Variants in JAKMIP2 observed in about 807,000 individuals in gnomAD.
JAKMIP2 encodes janus kinase and microtubule interacting protein 2, also known as janus kinase and microtubule-interacting protein 2.
Under a neutral mutation model 115.0 loss-of-function variants are expected in JAKMIP2, and 25 were observed. The observed-to-expected ratio is 0.22, with a 90% CI of 0.16 to 0.30. The LOEUF is 0.30. Among genes scored for constraint, JAKMIP2 ranks in the 10% least tolerant of loss-of-function variants. The pLI is 1.00. For missense variants in JAKMIP2, 642 were observed against 957.6 expected, an observed-to-expected ratio of 0.67 and a Z score of 4.35; for synonymous variants, 334 against 343.6, an observed-to-expected ratio of 0.97 and a Z score of 0.31.
intron 1 of JAKMIP2, among the ~76,000 whole-genome samples, chr5:147,766,243 T>C (rs963939536): frequency 5.3e-5 from 8 of 152,170 alleles, no homozygotes; most frequent in African/African-American, 1.7e-4. Flanking sequence ...TAAAAAGACT[T>C]TGGATTCAGA....
rs1233684374 is a variant in JAKMIP2, at chr5:147,641,784, T to C, written c.1225-20A>G. 1 of 1,601,444 alleles carries C rather than the reference T, an allele frequency of 6.2e-7. No individual in the cohort carries two copies. Among genetic ancestry groups the C allele is most frequent in the Non-Finnish European group, 8.6e-7 (1 of 1,168,916 alleles). On this transcript the variant is annotated intron_variant, in intron 7 of 21. Coordinates refer to ENST00000616793, the MANE Select transcript of JAKMIP2 (RefSeq NM_001270941.2). Reference sequence around the variant, plus strand: ...TCGGTCCTGGAAAACAGATGAAAGATTTTCAGATCCAGAATTGGTAGATGT... The same window carrying C: ...TCGGTCCTGGAAAACAGATGAAAGACTTTCAGATCCAGAATTGGTAGATGT...
At chr5:147,657,276 T>C (rs1758728130) in intron 3 of JAKMIP2, among the ~76,000 whole-genome samples, 1 of 136,822 alleles carries the variant, frequency 7.3e-6, no homozygotes, top group Admixed American at 7.3e-5. Flanking sequence ...CGAGACTCCG[T>C]CTCAAACAAA....
rs932178206 is a variant in JAKMIP2 at position 147,586,065 on chromosome 5, C to T, written c.*5642G>A. ...TTGAAAAACCGAGTGGTCTCTGCCTCAGTCAACAATTGGAAATAATAGTAG... is the reference window on the plus strand; with the variant it reads ...TTGAAAAACCGAGTGGTCTCTGCCTTAGTCAACAATTGGAAATAATAGTAG... On this transcript the variant is annotated 3_prime_UTR_variant, in exon 22 of 22. Coordinates refer to ENST00000616793, the MANE Select transcript of JAKMIP2 (RefSeq NM_001270941.2). 3 of 151,878 alleles carry T rather than the reference C, an allele frequency of 2.0e-5. No individual in the cohort carries two copies. The highest frequency in any genetic ancestry group is 7.3e-5 in the African/African-American group (3 of 41,330). 9.4% of individuals were successfully genotyped at this position (151,878 alleles called of 1,614,324 possible). A position where few individuals can be genotyped will look rare whatever the true frequency, so the allele number is the denominator to read the frequency against.
chr5:147,702,753 A>G (rs761223119), intron 1 of JAKMIP2, among the ~76,000 whole-genome samples: 4 of 152,090 alleles, frequency 2.6e-5, no homozygotes, highest in Non-Finnish European at 4.4e-5. Flanking sequence ...AGGCAGCAAG[A>G]CAGAAGCTGA....
chr5:147,704,999 G>A (rs567015533), intron 1 of JAKMIP2, among the ~76,000 whole-genome samples: 8 of 152,100 alleles, frequency 5.3e-5, no homozygotes, highest in African/African-American at 1.7e-4. Context: ...AATCAGCCAG[G>A]ATAATTTTAT....
intron 1 of JAKMIP2, among the ~76,000 whole-genome samples, chr5:147,745,704 ACTAACTTTGTTGACTGTGT>A (rs1300721906): frequency 6.6e-6 from 1 of 152,214 alleles, no homozygotes; most frequent in Non-Finnish European, 1.5e-5. Flanking sequence ...AGATTAAAGA[ACTAACTTTGTTGACTGTGT>A]CTTAGAAAAA....
intron 8 of JAKMIP2, among the ~76,000 whole-genome samples, chr5:147,641,221 C>A (rs576996731): frequency 6.6e-6 from 1 of 152,152 alleles, no homozygotes; most frequent in Admixed American, 6.5e-5. Flanking sequence ...CATTAAAAAC[C>A]AATGGTATAC....
At chr5:147,702,196 T>C (rs1027184833) in intron 1 of JAKMIP2, among the ~76,000 whole-genome samples, 25 of 151,842 alleles carry the variant, frequency 1.6e-4, no homozygotes, top group African/African-American at 6.0e-4. Context: ...CTGAACCTGC[T>C]AGTGGCTACC....
intron 1 of JAKMIP2, among the ~76,000 whole-genome samples, chr5:147,681,867 T>C (rs1306063175): frequency 6.6e-6 from 1 of 151,560 alleles, no homozygotes; most frequent in Non-Finnish European, 1.5e-5. Flanking sequence ...CATGGAGAAA[T>C]CTCATCTCCA....
chr5:147,772,078 T>G (rs1755378867), intron 1 of JAKMIP2, among the ~76,000 whole-genome samples: 1 of 152,098 alleles, frequency 6.6e-6, no homozygotes, highest in Non-Finnish European at 1.5e-5. Context: ...TAATATATAA[T>G]ATCTGCCCTG....
intron 19 of JAKMIP2, among the ~76,000 whole-genome samples, chr5:147,615,790 CA>C (rs11313688): frequency 0.045 from 6,849 of 152,108 alleles, 502 homozygotes; most frequent in African/African-American, 0.15. Context: ...CTCTGTCTAG[CA>C]CAGTACTTAG....
chr5:147,641,586 A>G (rs377045682), intron 8 of JAKMIP2, 122 bp downstream of exon 8: 9 of 646,858 alleles, frequency 1.4e-5, no homozygotes, highest in Non-Finnish European at 1.1e-5. Flanking sequence ...AATAATGCCC[A>G]TGGTTTGCTG....
At chr5:147,675,496 C>T (rs1226126947) in intron 1 of JAKMIP2, among the ~76,000 whole-genome samples, 1 of 151,596 alleles carries the variant, frequency 6.6e-6, no homozygotes, top group Non-Finnish European at 1.5e-5. Flanking sequence ...ATTTTCACAG[C>T]TTCTTTGAGA....
intron 1 of JAKMIP2, among the ~76,000 whole-genome samples, chr5:147,715,046 C>G (rs1225106261): frequency 6.6e-6 from 1 of 152,026 alleles, no homozygotes; most frequent in Non-Finnish European, 1.5e-5. Context: ...AATTCAAGAA[C>G]AGCAGATATG....
intron 1 of JAKMIP2, among the ~76,000 whole-genome samples, chr5:147,694,041 C>A (rs1444726521): frequency 6.6e-6 from 1 of 152,154 alleles, no homozygotes; most frequent in African/African-American, 2.4e-5. Context: ...TGGGCTACAT[C>A]AATTCCCACA....
At chr5:147,707,258 C>T (rs1280307037) in intron 1 of JAKMIP2, among the ~76,000 whole-genome samples, 1 of 152,104 alleles carries the variant, frequency 6.6e-6, no homozygotes, top group Non-Finnish European at 1.5e-5. Flanking sequence ...TTTGTAGCAT[C>T]CTCGCAATCT....
rs34831610 is a variant in JAKMIP2, at chr5:147,637,437, ATTTT to A, written c.1531-393_1531-390del. 1.6e-3 allele frequency among the ~76,000 whole-genome samples: 124 copies of A among 79,302 alleles called. 2 individuals carry two copies. Among genetic ancestry groups the A allele is most frequent in the African/African-American group, 5.0e-3 (115 of 23,132 alleles). The allele number at this position is 79,302 out of a possible 152,430, so 52.0% of individuals were successfully genotyped here. ...CATTTTGCCTCCCCAAATTCTTTTG[ATTTT>A]TTTTTTTTTTTTTTTTGAGACAGAG... On this transcript the variant is annotated intron_variant, in intron 10 of 21. Coordinates refer to ENST00000616793, the MANE Select transcript of JAKMIP2 (RefSeq NM_001270941.2).
At chr5:147,762,077 G>C (rs1375462154) in intron 1 of JAKMIP2, among the ~76,000 whole-genome samples, 2 of 151,956 alleles carry the variant, frequency 1.3e-5, no homozygotes, top group Non-Finnish European at 2.9e-5. Context: ...GAGGGAAAGT[G>C]AGAAGAAAGA....
intron 20 of JAKMIP2, among the ~76,000 whole-genome samples, chr5:147,608,799 G>T (rs921896604): frequency 6.6e-6 from 1 of 152,140 alleles, no homozygotes; most frequent in Non-Finnish European, 1.5e-5. Flanking sequence ...CTATTAACGT[G>T]TGTGAGTCTA....
Sources: allele counts gnomAD v4.1 joint callset (sites outside exome capture counted in the v4.1 genomes callset), GRCh38; gene constraint gnomAD v4.1.1; transcripts MANE v1.5; gene names NCBI Gene and HGNC (gene_info 2026-07-23, HGNC 2026-07-21).